OXNAD1: variants seen among roughly 807,000 people sequenced by gnomAD.
OXNAD1 encodes the protein oxidoreductase NAD-binding domain-containing protein 1.
OXNAD1 carries 34 observed loss-of-function variants against 32.9 expected under a neutral mutation model. The ratio of observed to expected loss-of-function variants is 1.03; its 90% CI spans 0.79 to 1.38. The LOEUF (loss-of-function observed/expected upper bound fraction) is 1.38. Among genes scored for constraint, OXNAD1 ranks in the 40% most tolerant of loss-of-function variants. OXNAD1 has a pLI of 0.00. For missense variants in OXNAD1, 407 were observed against 379.4 expected, an observed-to-expected ratio of 1.07 and a Z score of -0.60; for synonymous variants, 134 against 135.2, an observed-to-expected ratio of 0.99 and a Z score of 0.06.
intron 9 of OXNAD1, chr3:16,347,623 C>CACACTCACCTCTGTGTGT (rs2071819541): frequency 6.6e-6 from 1 of 152,240 alleles, no homozygotes; most frequent in African/African-American, 2.4e-5. Flanking sequence ...CCTCTGTGTG[C>CACACTCACCTCTGTGTGT]ACACTCACCT....
intron 9 of OXNAD1, among the ~76,000 whole-genome samples, chr3:16,323,816 G>A (rs538749689): frequency 1.3e-5 from 2 of 152,314 alleles, no homozygotes; most frequent in African/African-American, 4.8e-5. Context: ...GTAATGATGG[G>A]CAGGTAGATA....
At position 16,265,235 on chromosome 3, in the gene OXNAD1, A is replaced by T. The variant is rs547478256; in HGVS notation, c.-429A>T. The T allele has an allele frequency of 9.5e-5, 24 of 253,802 alleles. No homozygotes were observed. Among genetic ancestry groups the T allele is most frequent in the African/African-American group, 4.9e-4 (22 of 45,056 alleles). 15.7% of individuals were successfully genotyped at this position (253,802 alleles called of 1,614,324 possible). ...GAGTATTCCAGGCGCCTGCAACTAA[A>T]CGTGGCCGGGTCTGCAAGCTAGGTG... On this transcript the variant is annotated 5_prime_UTR_variant, in exon 1 of 9. Coordinates refer to ENST00000285083, the MANE Select transcript of OXNAD1 (RefSeq NM_138381.5). The surrounding 1 kb of genome is among the most constrained non-coding windows in gnomAD (Gnocchi z 4.8).
In OXNAD1 at chr3:16,323,475, G is replaced by C. The variant is rs375698035; in HGVS notation, c.*31-13637G>C. 770 of 1,595,930 alleles carry C rather than the reference G, an allele frequency of 4.8e-4. 2 individuals carry two copies. Among genetic ancestry groups the C allele is most frequent in the Non-Finnish European group, 6.5e-4 (756 of 1,165,024 alleles). On this transcript the variant is annotated intron_variant, in intron 9 of 9. Coordinates refer to the OXNAD1 transcript ENST00000435829. The stretch of plus-strand genomic sequence containing the variant: ...TCCCCTCGCTGTAACACACGGAGCT[G>C]AGAATGAGCCACTTTATGCCTTAGA...
At chr3:16,310,154 G>A (rs1434915484), downstream of OXNAD1, among the ~76,000 whole-genome samples, 2 of 152,236 alleles carry the variant, frequency 1.3e-5, no homozygotes, top group Non-Finnish European at 2.9e-5. Flanking sequence ...GGCTTAAGGT[G>A]TACTTGACTG....
chr3:16,351,707 A>G (rs183453458), downstream of OXNAD1, among the ~76,000 whole-genome samples: 3 of 152,294 alleles, frequency 2.0e-5, no homozygotes, highest in East Asian at 5.8e-4. This position sits in a 1 kb window ranked among gnomAD's most constrained non-coding sequence, Gnocchi z 5.4. Context: ...CCATTATCCT[A>G]ATTACATGTC....
chr3:16,306,736 GT>G (rs1053787254), downstream of OXNAD1, among the ~76,000 whole-genome samples: 1 of 152,064 alleles, frequency 6.6e-6, no homozygotes, highest in Non-Finnish European at 1.5e-5. Context: ...ATGTAAACTG[GT>G]AATTAGATTT....
At chr3:16,333,187 C>T (rs1052246836) in intron 9 of OXNAD1, among the ~76,000 whole-genome samples, 15 of 152,218 alleles carry the variant, frequency 9.9e-5, no homozygotes, top group African/African-American at 3.6e-4. Flanking sequence ...CTATTTTTAA[C>T]AGCTAAATCA....
In OXNAD1 at chr3:16,302,818, T is replaced by C; in HGVS notation, c.784+70T>C. 3 of 1,157,834 alleles carry C rather than the reference T, an allele frequency of 2.6e-6. No homozygotes were observed. Among genetic ancestry groups the C allele is most frequent in the Non-Finnish European group, 1.3e-6 (1 of 790,444 alleles). The allele number at this position is 1,157,834 out of a possible 1,614,324, so 71.7% of individuals were successfully genotyped here. A position where few individuals can be genotyped will look rare whatever the true frequency, so the allele number is the denominator to read the frequency against. ...GATGGACACACCAGTTGGTTGAGCG[T>C]AGATGCTTTATTGTTGGAAGCTGCT... On this transcript the variant is annotated intron_variant, in intron 8 of 8. Transcript: ENST00000285083. This position sits in a 1 kb window ranked among gnomAD's most constrained non-coding sequence, Gnocchi z 4.2.
chr3:16,319,721 C>T (rs2068832403), intron 9 of OXNAD1, among the ~76,000 whole-genome samples: 1 of 152,172 alleles, frequency 6.6e-6, no homozygotes, highest in Non-Finnish European at 1.5e-5. Flanking sequence ...AACGAGAACA[C>T]AAATGGTAGA....
intron 1 of OXNAD1, among the ~76,000 whole-genome samples, chr3:16,267,581 C>T (rs890376546): frequency 3.9e-5 from 6 of 152,146 alleles, no homozygotes; most frequent in African/African-American, 1.2e-4. Context: ...TTTGCTTGGC[C>T]GCCTTTTCCT....
At position 16,305,141 on chromosome 3, in the gene OXNAD1, G is replaced by A. The variant is rs1488252209; in HGVS notation, c.*1579G>A. The A allele has an allele frequency of 6.6e-6, 1 of 152,352 alleles. No homozygotes were observed. Among genetic ancestry groups the A allele is most frequent in the African/African-American group, 2.4e-5 (1 of 41,446 alleles). 9.4% of individuals were successfully genotyped at this position (152,352 alleles called of 1,614,324 possible). On this transcript the variant is annotated 3_prime_UTR_variant, in exon 9 of 9. Coordinates refer to ENST00000285083, the MANE Select transcript of OXNAD1 (RefSeq NM_138381.5). This position sits in a 1 kb window ranked among gnomAD's most constrained non-coding sequence, Gnocchi z 4.5. ...TGAGGGCATAGGAGCATGATGAGAT[G>A]CAAGGATGTGGGATTATCAAGGGGC... is the stretch of plus-strand genomic sequence containing the variant.
In OXNAD1 at chr3:16,303,007, A is replaced by G. The variant is rs2067298420; in HGVS notation, c.784+259A>G. Among the ~76,000 whole-genome samples, 2 of 152,352 alleles carry G rather than the reference A, an allele frequency of 1.3e-5. No individual in the cohort carries two copies. The highest frequency in any genetic ancestry group is 1.9e-4 in the East Asian group (1 of 5,196). ...GCATCATCACTGTAGTGTCCATACA[A>G]ATAATTTATATTCCAGATTTGGCTG... is the stretch of plus-strand genomic sequence containing the variant. On this transcript the variant is annotated intron_variant, in intron 8 of 8. Transcript: ENST00000285083. The surrounding 1 kb of genome is among the most constrained non-coding windows in gnomAD (Gnocchi z 4.8).
At position 16,288,426 on chromosome 3, in the gene OXNAD1, A is replaced by G. The variant is rs530641763; in HGVS notation, c.290+1978A>G. Among the ~76,000 whole-genome samples the G allele has an allele frequency of 6.6e-5, 10 of 152,260 alleles. No homozygotes were observed. In the East Asian group the frequency reaches 1.5e-3, roughly 24 times the overall value. On this transcript the variant is annotated intron_variant, in intron 5 of 8. Coordinates refer to ENST00000285083, the MANE Select transcript of OXNAD1 (RefSeq NM_138381.5). This position sits in a 1 kb window ranked among gnomAD's most constrained non-coding sequence, Gnocchi z 5.1. ...TTTTTGACCAGTGGCTTCCTCTGACACCTACCAAACTCTGAGAATGAGGTT... is the reference window on the plus strand; with the variant it reads ...TTTTTGACCAGTGGCTTCCTCTGACGCCTACCAAACTCTGAGAATGAGGTT...
intron 9 of OXNAD1, chr3:16,326,871 G>A (rs1428404277): frequency 3.7e-6 from 6 of 1,613,100 alleles, no homozygotes; most frequent in South Asian, 3.3e-5. Context: ...TCTGCACTTC[G>A]ACACCCTGGG....
Position 16,301,772 on chromosome 3 carries a change from TCTC to T in OXNAD1, c.583_585del (p.Leu195del), listed in dbSNP as rs767723034. On this transcript the variant is annotated inframe_deletion, in exon 7 of 9. Transcript: ENST00000285083. The surrounding 1 kb of genome is among the most constrained non-coding windows in gnomAD (Gnocchi z 4.1). Reference sequence around the variant, plus strand: ...TTTCCATCCTGCGGCACGCAGCAGATCTCCTCAGAGAGCAGGCAAACAAAAGAA... The same window carrying T: ...TTTCCATCCTGCGGCACGCAGCAGATCTCAGAGAGCAGGCAAACAAAAGAA... The T allele has an allele frequency of 1.7e-5, 28 of 1,613,832 alleles. No homozygotes were observed. In the Admixed American group the frequency reaches 3.3e-4, roughly 19 times the overall value.
At position 16,294,922 on chromosome 3, in the gene OXNAD1, G is replaced by A. The variant is rs1330521553; in HGVS notation, c.357G>A (p.Leu119=). 1 of 1,613,488 alleles carries A rather than the reference G, an allele frequency of 6.2e-7. No homozygotes were observed. Among genetic ancestry groups the A allele is most frequent in the East Asian group, 2.2e-5 (1 of 44,850 alleles). ...GGFSICSSPR[L]LEQERVIELA... ...TTTCAATATGCTCCAGTCCCAGACT[G>A]CTAGAACAAGAGAGAGTGATAGAAT... is the stretch of plus-strand genomic sequence containing the variant. The change falls in exon 6 of 9, where the codon CTG becomes CTA. Residue 119 remains leucine (L), a synonymous_variant. Transcript: ENST00000285083.
intron 4 of OXNAD1, among the ~76,000 whole-genome samples, chr3:16,283,211 C>T (rs1333822303): frequency 6.6e-6 from 1 of 152,134 alleles, no homozygotes; most frequent in Non-Finnish European, 1.5e-5. Flanking sequence ...TCTGTGAGGG[C>T]AGGTGCAGTC....
downstream of OXNAD1, among the ~76,000 whole-genome samples, chr3:16,350,808 C>T (rs1026053558): frequency 1.3e-5 from 2 of 152,110 alleles, no homozygotes; most frequent in African/African-American, 2.4e-5. Context: ...GTCTTTGGCA[C>T]TAAAGACTAT....
rs898728549 is a variant in OXNAD1 at position 16,267,748 on chromosome 3, T to C, written c.-158-1378T>C. Among the ~76,000 whole-genome samples the C allele has an allele frequency of 3.9e-5, 6 of 152,234 alleles. No homozygotes were observed. In the East Asian group the frequency reaches 9.6e-4, roughly 24 times the overall value. On this transcript the variant is annotated intron_variant, in intron 1 of 8. Transcript: ENST00000285083. ...CTACTATCTGTCTCTGGAACTGTAA[T>C]AAAAGCTTCATGATGGCAAGGGCCT...
Sources: gnomAD v4.1 joint callset for allele counts (sites outside exome capture counted in the v4.1 genomes callset) on GRCh38, gnomAD v4.1.1 for gene constraint, Gnocchi (gnomAD v3.1) non-coding constraint, MANE v1.5 for transcripts, NCBI Gene and HGNC (gene_info 2026-07-23, HGNC 2026-07-21) for gene names.